The following TEX9 variants were observed in gnomAD, a reference collection of about 807,000 sequenced individuals.
The protein encoded by TEX9 is testis-expressed protein 9.
A neutral mutation model predicts 59.6 loss-of-function variants in TEX9; 74 were observed. The ratio of observed to expected loss-of-function variants is 1.24; its 90% confidence interval spans 1.03 to 1.51. TEX9 has a LOEUF of 1.51. Ranked by LOEUF, TEX9 falls within the 40% of genes most tolerant of loss-of-function variation. The pLI, the probability that TEX9 is intolerant of heterozygous loss-of-function variation, is 0.00. For missense variants in TEX9, 522 were observed against 447.8 expected (o/e 1.17, Z -1.49); for synonymous variants, 186 against 152.2 (o/e 1.22, Z -1.64).
At position 56,378,023 on chromosome 15, in the gene TEX9, A is replaced by C. The variant is rs376823782; in HGVS notation, c.183+4519A>C. ...TCTGTTGATATGATATATCACATTGATTGATTTGTGTATGTTGAACCATCC... is the reference window on the plus strand; with the variant it reads ...TCTGTTGATATGATATATCACATTGCTTGATTTGTGTATGTTGAACCATCC... On this transcript the variant is annotated intron_variant, in intron 3 of 12. Coordinates refer to ENST00000352903, the Ensembl canonical transcript of TEX9. 2.0e-5 allele frequency among the ~76,000 whole-genome samples: 3 copies of C among 152,178 alleles called. 1 individual carries two copies. Among genetic ancestry groups the C allele is most frequent in the Admixed American group, 6.5e-5 (1 of 15,276 alleles).
upstream of TEX9, among the ~76,000 whole-genome samples, chr15:56,361,106 T>G (rs1241379587): frequency 6.6e-6 from 1 of 152,176 alleles, no homozygotes. Context: ...ACAGAACAGG[T>G]TACTTGGATC....
At chr15:56,411,666 T>G (rs2049354720) in intron 9 of TEX9, among the ~76,000 whole-genome samples, 1 of 152,116 alleles carries the variant, frequency 6.6e-6, no homozygotes, top group African/African-American at 2.4e-5. Context: ...GCTGGTTGAT[T>G]ATGGTGGAGT....
chr15:56,377,913 G>A (rs1567108637), intron 3 of TEX9, among the ~76,000 whole-genome samples: 1 of 152,074 alleles, frequency 6.6e-6, no homozygotes, highest in Admixed American at 6.5e-5. Context: ...ATGTTTTGAA[G>A]TGTGTTTACC....
At chr15:56,348,694 C>T (rs1288017793) in intron 1 of TEX9, among the ~76,000 whole-genome samples, 7 of 151,994 alleles carry the variant, frequency 4.6e-5, no homozygotes, top group Non-Finnish European at 7.4e-5. Context: ...TTCAGAAATA[C>T]GACTATGGCA....
intron 12 of TEX9, chr15:56,434,219 T>C (rs1441888144): frequency 6.2e-7 from 1 of 1,613,988 alleles, no homozygotes; most frequent in Non-Finnish European, 8.5e-7. Flanking sequence ...TCATTCTTTG[T>C]TTCTGAGCAT....
chr15:56,319,262 C>T (rs187177004), intron 1 of TEX9, among the ~76,000 whole-genome samples: 5 of 151,826 alleles, frequency 3.3e-5, no homozygotes, highest in Non-Finnish European at 1.5e-5. Flanking sequence ...GTTAAAGTTT[C>T]TCATTACTAA....
At chr15:56,390,591 C>A (rs1227165507) in intron 6 of TEX9, among the ~76,000 whole-genome samples, 5 of 151,968 alleles carry the variant, frequency 3.3e-5, no homozygotes, top group Admixed American at 2.6e-4. Flanking sequence ...CTGGACTATT[C>A]CTCAGTGCCT....
chr15:56,244,101 G>A (rs1444686547), exon 1 of TEX9: 2 of 151,960 alleles, frequency 1.3e-5, no homozygotes, highest in African/African-American at 4.8e-5. Context: ...GAGAGAAAGA[G>A]AACTTGCGTG....
chr15:56,270,285 C>A (rs2044496707), intron 1 of TEX9, among the ~76,000 whole-genome samples: 1 of 152,090 alleles, frequency 6.6e-6, no homozygotes, highest in Non-Finnish European at 1.5e-5. Context: ...GAGTCTAAGT[C>A]TTTTTATAGG....
At chr15:56,273,324 C>T (rs2044593478) in intron 1 of TEX9, among the ~76,000 whole-genome samples, 1 of 152,086 alleles carries the variant, frequency 6.6e-6, no homozygotes, top group Non-Finnish European at 1.5e-5. Context: ...TAGTGGTTGA[C>T]ATAGAATTTA....
In TEX9 at chr15:56,422,036, C is replaced by T. The variant is rs535632599; in HGVS notation, c.964-5569C>T. 9.9e-5 allele frequency among the ~76,000 whole-genome samples: 14 copies of T among 141,832 alleles called. No individual in the cohort carries two copies. In the East Asian group the frequency reaches 1.5e-3, roughly 15 times the overall value. 93.0% of individuals were successfully genotyped at this position (141,832 alleles called of 152,430 possible). On this transcript the variant is annotated intron_variant, in intron 10 of 12. Transcript: ENST00000352903. ...TTCTAGTTCTAGATCCCTGAGGAAT[C>T]GCCACACTGACTTCCACAATGGTTG...
chr15:56,365,485 C>G lies in TEX9; in HGVS notation c.27+8C>G. Reference sequence around the variant, plus strand: ...CGAAGTCTGTGTCTCACGGTCAGTTCAACTCCAGGCTCCTGGGGAGCGTCT... The same window carrying G: ...CGAAGTCTGTGTCTCACGGTCAGTTGAACTCCAGGCTCCTGGGGAGCGTCT... On this transcript the variant is annotated splice_region_variant and intron_variant, in intron 1 of 12. Coordinates refer to ENST00000352903, the Ensembl canonical transcript of TEX9. The G allele has an allele frequency of 1.9e-6, 3 of 1,614,180 alleles. No homozygotes were observed. The highest frequency in any genetic ancestry group is 1.3e-5 in the African/African-American group (1 of 75,062).
intron 1 of TEX9, among the ~76,000 whole-genome samples, chr15:56,297,153 C>G (rs2045236854): frequency 6.6e-6 from 1 of 151,948 alleles, no homozygotes; most frequent in African/African-American, 2.4e-5. Flanking sequence ...TGGCAACCGG[C>G]CAAGCATTAT....
At chr15:56,318,191 G>T (rs545335910) in intron 1 of TEX9, among the ~76,000 whole-genome samples, 1 of 152,056 alleles carries the variant, frequency 6.6e-6, no homozygotes, top group South Asian at 2.1e-4. Context: ...ATTGTTTTGT[G>T]TTTGTTGAAT....
chr15:56,326,196 T>A (rs1256664471), intron 1 of TEX9, among the ~76,000 whole-genome samples: 1 of 152,202 alleles, frequency 6.6e-6, no homozygotes, highest in Non-Finnish European at 1.5e-5. Flanking sequence ...AAGTCCTTCT[T>A]TGAATAGAAA....
chr15:56,460,005 A>ATATATATATATAT, the TEX9 span, among the ~76,000 whole-genome samples: 16 of 30,504 alleles, frequency 5.2e-4, no homozygotes, highest in African/African-American at 1.9e-3. Flanking sequence ...AAAAAAAAAA[A>ATATATATATATAT]AAAAATACAT....
At chr15:56,434,253 T>G (rs368167669) in intron 12 of TEX9, 1 of 1,613,912 alleles carries the variant, frequency 6.2e-7, no homozygotes, top group Non-Finnish European at 8.5e-7. Context: ...TCGATCATCC[T>G]CAGCAAATTT....
chr15:56,283,395 A>G (rs1390611129), intron 1 of TEX9, among the ~76,000 whole-genome samples: 2 of 152,190 alleles, frequency 1.3e-5, no homozygotes, highest in Admixed American at 6.6e-5. Context: ...AAAGCATATT[A>G]TAACTGTGCA....
chr15:56,284,712 T>A (rs1462099030), intron 1 of TEX9, among the ~76,000 whole-genome samples: 1 of 152,148 alleles, frequency 6.6e-6, no homozygotes, highest in Non-Finnish European at 1.5e-5. Context: ...CCTAAATTGC[T>A]GTAGCTATTT....
Sources: allele counts gnomAD v4.1 joint callset (sites outside exome capture counted in the v4.1 genomes callset), GRCh38; gene constraint gnomAD v4.1.1; transcripts MANE v1.5; gene names NCBI Gene and HGNC (gene_info 2026-07-23, HGNC 2026-07-21).